TEX26: variants seen among roughly 807,000 people sequenced by gnomAD.
TEX26 encodes testis-expressed protein 26.
TEX26 carries 34 observed loss-of-function variants against 35.3 expected under a neutral mutation model. The ratio of observed to expected loss-of-function variants is 0.96; its 90% CI spans 0.73 to 1.28. TEX26 has a LOEUF of 1.28. Ranked by LOEUF, TEX26 falls within the 50% of genes most tolerant of loss-of-function variation. The pLI is 0.00. For synonymous variants in TEX26, 136 were observed against 111.8 expected (o/e 1.22, Z -1.36); for missense variants, 371 against 330.1 (o/e 1.12, Z -0.96).
chr13:30,933,069 G>A (rs894288909), intron 1 of TEX26: 2 of 319,608 alleles, frequency 6.3e-6, no homozygotes, highest in Admixed American at 4.4e-5. Flanking sequence ...GGAAGAACTG[G>A]TGATTTTCCA....
At chr13:30,946,410 A>C (rs1268949870) in intron 2 of TEX26, among the ~76,000 whole-genome samples, 3 of 151,900 alleles carry the variant, frequency 2.0e-5, no homozygotes, top group Non-Finnish European at 4.4e-5. Flanking sequence ...TGAGTAGCTT[A>C]ATAATCAACC....
intron 6 of TEX26, among the ~76,000 whole-genome samples, chr13:30,970,909 T>A (rs1407787036): frequency 1.3e-5 from 2 of 152,220 alleles, no homozygotes; most frequent in African/African-American, 4.8e-5. Context: ...CCCAGACAGG[T>A]GAGGTAGACC....
intron 2 of TEX26, among the ~76,000 whole-genome samples, chr13:30,952,400 T>G (rs1953960741): frequency 6.6e-6 from 1 of 152,130 alleles, no homozygotes; most frequent in Non-Finnish European, 1.5e-5. Context: ...TTCAGCTCTT[T>G]AAAAAAATTA....
chr13:30,959,008 T>C (rs191032572), intron 4 of TEX26, among the ~76,000 whole-genome samples: 3 of 152,298 alleles, frequency 2.0e-5, no homozygotes, highest in Non-Finnish European at 4.4e-5. Context: ...TTAAGCAACA[T>C]GCCCAGGGTT....
intron 4 of TEX26, among the ~76,000 whole-genome samples, chr13:30,965,913 A>G (rs1206827694): frequency 6.6e-6 from 1 of 152,208 alleles, no homozygotes; most frequent in East Asian, 1.9e-4. Flanking sequence ...CATGTTTTAT[A>G]TGGCGACCCT....
chr13:30,953,662 A>T (rs1954013969), intron 3 of TEX26, among the ~76,000 whole-genome samples: 1 of 152,196 alleles, frequency 6.6e-6, no homozygotes, highest in South Asian at 2.1e-4. Flanking sequence ...TATCCTGTGC[A>T]TGAAGGGAAC....
chr13:30,938,980 A>G (rs1953375587), intron 1 of TEX26, among the ~76,000 whole-genome samples: 2 of 152,208 alleles, frequency 1.3e-5, no homozygotes, highest in African/African-American at 4.8e-5. Flanking sequence ...ATTTTGCACA[A>G]CCATTACAAG....
At chr13:30,957,051 TTTTTCCTGGGTCATG>T in intron 4 of TEX26, 22 bp downstream of exon 4, 10 of 1,609,270 alleles carry the variant, frequency 6.2e-6, no homozygotes, top group Non-Finnish European at 8.5e-6. Flanking sequence ...TGTTTTTCTT[TTTTTCCTGGGTCATG>T]TGGTAGGCCC....
intron 5 of TEX26, among the ~76,000 whole-genome samples, chr13:30,967,438 A>T (rs891135266): frequency 6.6e-6 from 1 of 152,160 alleles, no homozygotes; most frequent in South Asian, 2.1e-4. Context: ...TAGAAGTTGT[A>T]GCAGCTGTAA....
chr13:30,939,361 G>T (rs1249331175), intron 1 of TEX26, among the ~76,000 whole-genome samples: 1 of 152,172 alleles, frequency 6.6e-6, no homozygotes, highest in East Asian at 1.9e-4. Context: ...TAAAGTTGGT[G>T]ACTAAAACAT....
In TEX26 at chr13:30,956,777, G is replaced by C. The variant is rs111440562; in HGVS notation, c.313-96G>C. ...ACCTGCAGTGGCAGCTGGTTGTAAAGGATTCTGAAGAATATGTGCACACAG... is the reference window on the plus strand; with the variant it reads ...ACCTGCAGTGGCAGCTGGTTGTAAACGATTCTGAAGAATATGTGCACACAG... On this transcript the variant is annotated intron_variant, in intron 3 of 6. Transcript: ENST00000380473. 1,344 of 1,164,814 alleles carry C rather than the reference G, an allele frequency of 1.2e-3. 12 individuals carry two copies. The African/African-American group carries it at 0.017, about 14-fold the overall frequency. The allele number at this position is 1,164,814 out of a possible 1,614,324, so 72.2% of individuals were successfully genotyped here.
intron 4 of TEX26, among the ~76,000 whole-genome samples, chr13:30,964,982 A>C (rs1954476852): frequency 6.6e-6 from 1 of 152,190 alleles, no homozygotes; most frequent in Non-Finnish European, 1.5e-5. Flanking sequence ...GGACACATTC[A>C]AATCATAGCA....
intron 2 of TEX26, among the ~76,000 whole-genome samples, chr13:30,947,424 G>C (rs1953753253): frequency 6.6e-6 from 1 of 152,120 alleles, no homozygotes; most frequent in African/African-American, 2.4e-5. Flanking sequence ...GTATAGCAGT[G>C]TCACTCAGTA....
In TEX26 at chr13:30,970,168, AGTGTGTGTGTGTGTGTGTGTGT is replaced by A. The variant is rs57600535; in HGVS notation, c.808+1146_808+1167del. Among the ~76,000 whole-genome samples, 92 of 146,510 alleles carry A rather than the reference AGTGTGTGTGTGTGTGTGTGTGT, an allele frequency of 6.3e-4. No individual in the cohort carries two copies. The East Asian group carries it at 9.2e-3, about 15-fold the overall frequency. On this transcript the variant is annotated intron_variant, in intron 6 of 6. Coordinates refer to ENST00000380473, the MANE Select transcript of TEX26 (RefSeq NM_152325.3). ...AGGCTGACAGGGAAGGGTGTGTGTGAGTGTGTGTGTGTGTGTGTGTGTGTGTGTGTGTGTGTGTGTGTGTGCT... is the reference window on the plus strand; with the variant it reads ...AGGCTGACAGGGAAGGGTGTGTGTGAGTGTGTGTGTGTGTGTGTGTGTGCT...
At position 30,966,272 on chromosome 13, in the gene TEX26, C is replaced by T. The variant is rs536575850; in HGVS notation, c.520C>T (p.Leu174Phe). The T allele has an allele frequency of 6.2e-7, 1 of 1,614,060 alleles. No homozygotes were observed. The highest frequency in any genetic ancestry group is 8.5e-7 in the Non-Finnish European group (1 of 1,180,012). Residue 174 changes from leucine (L) to phenylalanine (F), a missense_variant, in exon 5 of 7, where the codon CTT (leucine) becomes TTT (phenylalanine). Coordinates refer to ENST00000380473, the MANE Select transcript of TEX26 (RefSeq NM_152325.3). The part of the protein sequence containing the change: ...SHLSLEWKKL[L>F]PQPPDTEFRR... ...CTTGTCTCTGGAATGGAAAAAGTTA[C>T]TTCCCCAACCTCCAGACACTGAATT... is the stretch of plus-strand genomic sequence containing the variant.
At chr13:30,969,178 A>C (rs868051844) in intron 6 of TEX26, 132 bp downstream of exon 6, 16 of 874,074 alleles carry the variant, frequency 1.8e-5, no homozygotes, top group Middle Eastern at 3.6e-4. Flanking sequence ...AAAAAAAAAA[A>C]AACTCATAGT....
chr13:30,932,722 C>T lies in TEX26; in HGVS notation c.7C>T (p.Gln3Ter), dbSNP rs868188257. ...GGCCGCCTCCTGGGGCAGAATGGAA[C>T]AGCCTGGGCCCAGGGCTCCGGATCC... The part of the protein sequence containing the change: ME[Q>*]PGPRAPDPSL... Residue 3 changes from glutamine to a stop codon, truncating the protein, a stop_gained, in exon 1 of 7, where the codon CAG becomes TAG. Transcript: ENST00000380473. LOFTEE classifies it high-confidence loss of function. 6.2e-7 allele frequency: 1 copy of T among 1,613,534 alleles called. No individual in the cohort carries two copies. The highest frequency in any genetic ancestry group is 1.3e-5 in the African/African-American group (1 of 75,066).
Position 30,956,911 on chromosome 13 carries a change from G to A in TEX26, c.351G>A (p.Thr117=), listed in dbSNP as rs549577558. The A allele has an allele frequency of 9.9e-4, 1,599 of 1,614,120 alleles. 24 individuals are homozygous for A. The South Asian group carries it at 0.016, about 16-fold the overall frequency. The change falls in exon 4 of 7, where the codon ACG becomes ACA. Residue 117 remains threonine (T), a synonymous_variant. Transcript: ENST00000380473. ...GGACACTACCTCACTGTCAACAAAC[G>A]GGGACACTAAAGAACTGCCTCCCTT... The part of the protein sequence containing the change: ...FLWTLPHCQQ[T]GTLKNCLPWK...
rs552374005 is a variant in TEX26, at chr13:30,948,525, G to A, written c.147-4135G>A. On this transcript the variant is annotated intron_variant, in intron 2 of 6. Transcript: ENST00000380473. Reference sequence around the variant, plus strand: ...GCATTTTTTCATGTGTTTTTTGGTCGCATAAATCTCTTCTTTTGAGAAGAG... The same window carrying A: ...GCATTTTTTCATGTGTTTTTTGGTCACATAAATCTCTTCTTTTGAGAAGAG... Among the ~76,000 whole-genome samples, 8 of 152,210 alleles carry A rather than the reference G, an allele frequency of 5.3e-5. No homozygotes were observed. In the East Asian group the frequency reaches 5.8e-4, roughly 11 times the overall value.
Sources: allele counts gnomAD v4.1 joint callset (sites outside exome capture counted in the v4.1 genomes callset), GRCh38; gene constraint gnomAD v4.1.1; transcripts MANE v1.5; gene names NCBI Gene and HGNC (gene_info 2026-07-23, HGNC 2026-07-21).